UMODL1: variants seen among roughly 807,000 people sequenced by gnomAD.
UMODL1 encodes uromodulin like 1, also known as uromodulin-like 1.
Under a neutral mutation model 136.3 loss-of-function variants are expected in UMODL1, and 128 were observed. The observed-to-expected ratio is 0.94, with a 90% CI of 0.81 to 1.09. The LOEUF is 1.09. UMODL1 is among the 50% of genes least tolerant of loss of function. The probability of loss-of-function intolerance (pLI) is 0.00; values close to 1 mark genes in which losing one functional copy is unlikely to be tolerated. For missense variants in UMODL1, 1,766 were observed against 1,725.6 expected (o/e 1.02, Z -0.41); for synonymous variants, 721 against 720.0 (o/e 1.00, Z -0.02).
At chr21:42,137,699 G>A (rs1196067842) in intron 22 of UMODL1, 58 bp downstream of exon 22, 7 of 780,268 alleles carry the variant, frequency 9.0e-6, no homozygotes, top group East Asian at 1.2e-4. Context: ...GTGGAGTGGG[G>A]TGGGAGGTGC....
chr21:42,076,335 C>A, intron 2 of UMODL1, 88 bp downstream of exon 2: 2 of 1,571,284 alleles, frequency 1.3e-6, no homozygotes, highest in South Asian at 1.2e-5. Flanking sequence ...CCATTGGCCC[C>A]GAACTTGCTA....
intron 5 of UMODL1, 98 bp downstream of exon 5, chr21:42,088,578 CT>C: frequency 7.9e-7 from 1 of 1,262,236 alleles, no homozygotes; most frequent in Non-Finnish European, 1.1e-6. Flanking sequence ...AGTCCTTTGT[CT>C]TTTAAAGGAG....
chr21:42,109,993 G>A (rs951440208), intron 10 of UMODL1, among the ~76,000 whole-genome samples: 2 of 152,352 alleles, frequency 1.3e-5, no homozygotes, highest in East Asian at 3.9e-4. Context: ...AGGGGTCCAT[G>A]AAGGCCAAGT....
At chr21:42,090,151 C>A in intron 5 of UMODL1, 147 bp from the exon 6 acceptor site, 1 of 1,030,746 alleles carries the variant, frequency 9.7e-7, no homozygotes, top group East Asian at 2.6e-5. Flanking sequence ...TCCATAGTCT[C>A]CCTTGGGATC....
intron 1 of UMODL1, among the ~76,000 whole-genome samples, chr21:42,072,189 T>A (rs2066239840): frequency 6.6e-6 from 1 of 152,200 alleles, no homozygotes; most frequent in Admixed American, 6.5e-5. Context: ...CAGGGCTCTG[T>A]CCGGAGTTTT....
In UMODL1 at chr21:42,098,921, C is replaced by G; in HGVS notation, c.932-5C>G. The G allele has an allele frequency of 6.2e-7, 1 of 1,613,956 alleles. No homozygotes were observed. The highest frequency in any genetic ancestry group is 8.5e-7 in the Non-Finnish European group (1 of 1,179,878). ...TGCTCATCTTCTCTGTCTGTGCTTT[C>G]GTAGATTGTCCTCCAGTCAGTGACT... On this transcript the variant is annotated splice_region_variant and splice_polypyrimidine_tract_variant and intron_variant, in intron 6 of 22. Transcript: ENST00000408910.
rs796548398 is a variant in UMODL1, at chr21:42,123,561, GAATGTGTGTA to G, written c.3147+420_3147+429del. ...TGTATGTGGGGGTGTGCATGTGTGTGAATGTGTGTAAATGTGTGAATCTGTGTGTGCGAAT... is the reference window on the plus strand; with the variant it reads ...TGTATGTGGGGGTGTGCATGTGTGTGAATGTGTGAATCTGTGTGTGCGAAT... On this transcript the variant is annotated intron_variant, in intron 17 of 22. Coordinates refer to ENST00000408910, the MANE Select transcript of UMODL1 (RefSeq NM_001004416.3). The surrounding 1 kb of genome is among the most constrained non-coding windows in gnomAD (Gnocchi z 4.4). Among the ~76,000 whole-genome samples, 2 of 152,028 alleles carry G rather than the reference GAATGTGTGTA, an allele frequency of 1.3e-5. No individual in the cohort carries two copies. Among genetic ancestry groups the G allele is most frequent in the South Asian group, 2.1e-4 (1 of 4,816 alleles).
intron 5 of UMODL1, 88 bp from the exon 6 acceptor site, chr21:42,090,210 G>C (rs2066474491): frequency 6.4e-7 from 1 of 1,567,232 alleles, no homozygotes; most frequent in East Asian, 2.3e-5. Context: ...CGTGGCACGA[G>C]TCCACAGAGG....
intron 8 of UMODL1, chr21:42,102,784 T>C (rs1272450170): frequency 6.6e-6 from 1 of 152,340 alleles, no homozygotes; most frequent in African/African-American, 2.4e-5. Flanking sequence ...AAGTCTGAGG[T>C]TTTACCCTCC....
At chr21:42,110,130 G>A (rs921315151) in intron 10 of UMODL1, among the ~76,000 whole-genome samples, 1 of 152,210 alleles carries the variant, frequency 6.6e-6, no homozygotes, top group Admixed American at 6.5e-5. Context: ...CTGCAGAGAG[G>A]CCCGATGGGG....
At chr21:42,108,308 G>A (rs966605103) in intron 9 of UMODL1, 2 of 523,894 alleles carry the variant, frequency 3.8e-6, no homozygotes, top group South Asian at 1.4e-5. Flanking sequence ...GTAGGCTGGA[G>A]GTTGAGTAGC....
upstream of UMODL1, among the ~76,000 whole-genome samples, chr21:42,067,892 A>T (rs926289591): frequency 6.6e-6 from 1 of 152,256 alleles, no homozygotes; most frequent in African/African-American, 2.4e-5. Context: ...GAATGTGGAA[A>T]AGGAAAAGTC....
intron 20 of UMODL1, 118 bp downstream of exon 20, chr21:42,127,949 G>T: frequency 7.5e-7 from 1 of 1,340,762 alleles, no homozygotes; most frequent in Non-Finnish European, 1.1e-6. Context: ...CCTCTGGGAG[G>T]AGTCGCTGTG....
Position 42,099,763 on chromosome 21 carries a change from C to T in UMODL1, c.1186+583C>T, listed in dbSNP as rs751634249. Among the ~76,000 whole-genome samples, 7 of 152,174 alleles carry T rather than the reference C, an allele frequency of 4.6e-5. No individual in the cohort carries two copies. The highest frequency in any genetic ancestry group is 8.8e-5 in the Non-Finnish European group (6 of 68,030). On this transcript the variant is annotated intron_variant, in intron 7 of 22. Coordinates refer to ENST00000408910, the MANE Select transcript of UMODL1 (RefSeq NM_001004416.3). This position sits in a 1 kb window ranked among gnomAD's most constrained non-coding sequence, Gnocchi z 4.1. The stretch of plus-strand genomic sequence containing the variant: ...TGGTATGATCACAGCTCGCTGCGGC[C>T]TCGACCCCCTGGACTCAAGTGATCC...
intron 4 of UMODL1, among the ~76,000 whole-genome samples, chr21:42,087,187 C>G (rs1179059536): frequency 1.3e-5 from 2 of 152,182 alleles, no homozygotes; most frequent in Non-Finnish European, 2.9e-5. Flanking sequence ...CCATTACCCC[C>G]TGCAGAAGCG....
intron 8 of UMODL1, chr21:42,102,841 G>A (rs1375144186): frequency 1.3e-5 from 2 of 152,640 alleles, no homozygotes; most frequent in Non-Finnish European, 2.9e-5. Flanking sequence ...GATGCTGGCA[G>A]AAGACACGAG....
chr21:42,071,854 T>C (rs1411907454), intron 1 of UMODL1, among the ~76,000 whole-genome samples: 1 of 143,746 alleles, frequency 7.0e-6, no homozygotes, highest in Non-Finnish European at 1.5e-5. Flanking sequence ...AGACCTAGCC[T>C]GGGCAACATC....
In UMODL1 at chr21:42,103,871, G is replaced by T. The variant is rs745450663; in HGVS notation, c.1303G>T (p.Glu435Ter). Residue 435 changes from glutamate (E) to a stop codon, truncating the protein, a stop_gained, in exon 9 of 23, where the codon GAG becomes TAG. Coordinates refer to ENST00000408910, the MANE Select transcript of UMODL1 (RefSeq NM_001004416.3). LOFTEE classifies it high-confidence loss of function. The part of the protein sequence containing the change: ...DFSRQLLHEV[E>*]SSFPPVVSDL... ...GCTGTTGCCTCTTCTTGGCTAGGTC[G>T]AGAGCTCCTTCCCACCAGTGGTGTC... The T allele has an allele frequency of 6.2e-7, 1 of 1,614,148 alleles. No individual in the cohort carries two copies. Among genetic ancestry groups the T allele is most frequent in the Non-Finnish European group, 8.5e-7 (1 of 1,180,034 alleles).
At chr21:42,137,813 C>G (rs186324126) in intron 22 of UMODL1, among the ~76,000 whole-genome samples, 172 bp downstream of exon 22, 1 of 148,170 alleles carries the variant, frequency 6.7e-6, no homozygotes, top group Admixed American at 6.8e-5. Flanking sequence ...AAGGTGGGTG[C>G]GGAGTGGGGG....
Sources: allele counts gnomAD v4.1 joint callset (sites outside exome capture counted in the v4.1 genomes callset), GRCh38; gene constraint gnomAD v4.1.1; non-coding constraint Gnocchi (gnomAD v3.1); transcripts MANE v1.5; gene names NCBI Gene and HGNC (gene_info 2026-07-23, HGNC 2026-07-21).